The following NPAS3 variants were observed in gnomAD, a reference collection of about 807,000 sequenced individuals.
The protein encoded by NPAS3 is neuronal PAS domain protein 3, also known as neuronal PAS domain-containing protein 3.
NPAS3 carries 14 observed loss-of-function variants against 73.1 expected under a neutral mutation model. That is an observed-to-expected ratio of 0.19 (90% CI 0.13 to 0.30). The LOEUF is 0.30. NPAS3 is among the 10% of genes least tolerant of loss of function. NPAS3 has a pLI of 1.00. For synonymous variants in NPAS3, 620 were observed against 541.5 expected, an observed-to-expected ratio of 1.14 and a Z score of -2.01; for missense variants, 1,096 against 1,250.0, an observed-to-expected ratio of 0.88 and a Z score of 1.86.
At chr14:33,178,195 C>T (rs2045665361) in intron 2 of NPAS3, among the ~76,000 whole-genome samples, 1 of 151,614 alleles carries the variant, frequency 6.6e-6, no homozygotes, top group African/African-American at 2.4e-5. Flanking sequence ...TTGCCTCAGC[C>T]TCCCGAGTGG....
At chr14:33,227,878 G>A (rs544598075) in intron 3 of NPAS3, among the ~76,000 whole-genome samples, 1 of 152,316 alleles carries the variant, frequency 6.6e-6, no homozygotes, top group South Asian at 2.1e-4. Flanking sequence ...TCATTTTAAT[G>A]TATCTTCAGA....
intron 2 of NPAS3, among the ~76,000 whole-genome samples, chr14:33,093,179 G>A (rs2042286880): frequency 6.6e-6 from 1 of 152,170 alleles, no homozygotes; most frequent in African/African-American, 2.4e-5. Flanking sequence ...AGCGTGAACA[G>A]GCAACCTACA....
intron 1 of NPAS3, among the ~76,000 whole-genome samples, chr14:33,039,764 T>G (rs936180543): frequency 2.6e-5 from 4 of 152,172 alleles, no homozygotes; most frequent in Admixed American, 6.5e-5. Flanking sequence ...GCTCCTCTAT[T>G]ATTAAACACT....
intron 4 of NPAS3, among the ~76,000 whole-genome samples, chr14:33,423,696 T>C (rs973283839): frequency 2.0e-5 from 3 of 151,992 alleles, no homozygotes; most frequent in Non-Finnish European, 4.4e-5. Context: ...AAGTTCTTCA[T>C]GTATATTTTA....
chr14:33,544,862 A>AAT (rs1417423443), intron 4 of NPAS3, among the ~76,000 whole-genome samples: 13 of 135,716 alleles, frequency 9.6e-5, no homozygotes, highest in South Asian at 4.5e-4. Flanking sequence ...GTGTATATAT[A>AAT]ATATATATAT....
At chr14:33,796,693 C>T (rs2063522020) in intron 10 of NPAS3, among the ~76,000 whole-genome samples, 1 of 152,182 alleles carries the variant, frequency 6.6e-6, no homozygotes, top group Non-Finnish European at 1.5e-5. Flanking sequence ...TTCCAGAAGA[C>T]AGGTCAAACT....
chr14:33,484,740 A>C (rs2051498407), intron 4 of NPAS3, among the ~76,000 whole-genome samples: 1 of 152,198 alleles, frequency 6.6e-6, no homozygotes, highest in Non-Finnish European at 1.5e-5. Context: ...TGTGAGGAAA[A>C]GATTCTCGTG....
chr14:33,378,915 T>G (rs74599902), intron 4 of NPAS3, among the ~76,000 whole-genome samples: 11,465 of 152,236 alleles, frequency 0.075, 477 homozygotes, highest in Middle Eastern at 0.14. Flanking sequence ...TTATACTACA[T>G]GTTGAGCACC....
At chr14:33,452,632 A>C (rs1179114665) in intron 4 of NPAS3, among the ~76,000 whole-genome samples, 1 of 151,978 alleles carries the variant, frequency 6.6e-6, no homozygotes, top group Non-Finnish European at 1.5e-5. Flanking sequence ...AAAATTAGCC[A>C]GGCATGATGG....
chr14:32,961,875 A>T (rs2036935796), intron 1 of NPAS3, among the ~76,000 whole-genome samples: 1 of 152,196 alleles, frequency 6.6e-6, no homozygotes, highest in Non-Finnish European at 1.5e-5. Flanking sequence ...AAAACATAAA[A>T]GAGTGAATAC....
rs200893360 is a variant in NPAS3, at chr14:33,605,853, A to T, written c.558+45643A>T. Among the ~76,000 whole-genome samples the T allele has an allele frequency of 4.3e-5, 4 of 92,130 alleles. No individual in the cohort carries two copies. The South Asian group carries it at 1.6e-3, about 36-fold the overall frequency. 60.4% of individuals were successfully genotyped at this position (92,130 alleles called of 152,430 possible). A position where few individuals can be genotyped will look rare whatever the true frequency, so the allele number is the denominator to read the frequency against. The stretch of plus-strand genomic sequence containing the variant: ...TCAAAATTCTAGTAGACTTTTTTAT[A>T]CAAAATGACAAACTGATTCTAAAAT... On this transcript the variant is annotated intron_variant, in intron 5 of 11. Transcript: ENST00000356141.
intron 3 of NPAS3, among the ~76,000 whole-genome samples, chr14:33,329,345 C>T (rs960077232): frequency 3.9e-5 from 6 of 152,044 alleles, no homozygotes; most frequent in Non-Finnish European, 7.3e-5. Flanking sequence ...GTGATAAGTA[C>T]GATGAAGAAA....
intron 4 of NPAS3, among the ~76,000 whole-genome samples, chr14:33,512,134 C>T (rs892892114): frequency 6.6e-6 from 1 of 152,072 alleles, no homozygotes; most frequent in Non-Finnish European, 1.5e-5. Flanking sequence ...TAAAGAAAAA[C>T]TAGACTGAAT....
Position 33,284,758 on chromosome 14 carries a change from ATATCTATATCTATCTATCTATCTATC to A in NPAS3, c.385+69340_385+69365del, listed in dbSNP as rs1474621428. 5.4e-5 allele frequency among the ~76,000 whole-genome samples: 7 copies of A among 130,454 alleles called. No homozygotes were observed. The East Asian group carries it at 8.2e-4, about 15-fold the overall frequency. 85.6% of individuals were successfully genotyped at this position (130,454 alleles called of 152,430 possible). A position where few individuals can be genotyped will look rare whatever the true frequency, so the allele number is the denominator to read the frequency against. ...CTACATATTTCATATCTATATATCT[ATATCTATATCTATCTATCTATCTATC>A]TATCTATCTATCTATCTATCTATCT... On this transcript the variant is annotated intron_variant, in intron 3 of 11. Coordinates refer to ENST00000356141, the Ensembl canonical transcript of NPAS3.
chr14:33,198,696 G>C (rs908994820), intron 2 of NPAS3, among the ~76,000 whole-genome samples: 1 of 152,250 alleles, frequency 6.6e-6, no homozygotes, highest in Non-Finnish European at 1.5e-5. Flanking sequence ...TCCCGCACCA[G>C]GTCCGGGGGC....
At chr14:33,516,056 C>G (rs1299437607) in intron 4 of NPAS3, among the ~76,000 whole-genome samples, 1 of 151,860 alleles carries the variant, frequency 6.6e-6, no homozygotes, top group Admixed American at 6.6e-5. Context: ...ACTCTTAACC[C>G]TCATAGCATC....
intron 3 of NPAS3, among the ~76,000 whole-genome samples, chr14:33,216,783 T>C (rs1037240233): frequency 5.3e-5 from 8 of 151,962 alleles, no homozygotes; most frequent in Non-Finnish European, 8.8e-5. Flanking sequence ...TGCTCTAGAG[T>C]GTAAGAATGA....
intron 7 of NPAS3, among the ~76,000 whole-genome samples, chr14:33,753,019 C>T (rs1217694583): frequency 6.6e-6 from 1 of 152,172 alleles, no homozygotes; most frequent in African/African-American, 2.4e-5. Context: ...TTTGAGTGCA[C>T]TTCAAATTCT....
intron 2 of NPAS3, among the ~76,000 whole-genome samples, chr14:33,110,789 A>G (rs1456310718): frequency 6.6e-6 from 1 of 152,156 alleles, no homozygotes; most frequent in Non-Finnish European, 1.5e-5. Flanking sequence ...GGGGACGGGA[A>G]CCACAACAGC....
Sources: gnomAD v4.1 joint callset for allele counts (sites outside exome capture counted in the v4.1 genomes callset) on GRCh38, gnomAD v4.1.1 for gene constraint, MANE v1.5 for transcripts, NCBI Gene and HGNC (gene_info 2026-07-23, HGNC 2026-07-21) for gene names.